Variants in UBAP2 observed in about 807,000 individuals in gnomAD.
UBAP2 encodes ubiquitin-associated protein 2.
A neutral mutation model predicts 139.6 loss-of-function variants in UBAP2; 75 were observed. The ratio of observed to expected loss-of-function variants is 0.54; its 90% CI spans 0.45 to 0.65. UBAP2 has a LOEUF of 0.65. UBAP2 is among the 30% of genes least tolerant of loss of function. The pLI is 0.00. For missense variants in UBAP2, 1,368 were observed against 1,369.6 expected (o/e 1.00, Z 0.02); for synonymous variants, 526 against 526.2 (o/e 1.00, Z 0.01).
chr9:34,008,644 A>G (rs1181394063), intron 2 of UBAP2, among the ~76,000 whole-genome samples: 1 of 116,136 alleles, frequency 8.6e-6, no homozygotes, highest in Non-Finnish European at 1.9e-5. Context: ...ATATACTAAC[A>G]CTTTACAGAA....
chr9:34,010,918 G>A (rs1448545444), intron 2 of UBAP2, among the ~76,000 whole-genome samples: 1 of 152,130 alleles, frequency 6.6e-6, no homozygotes, highest in African/African-American at 2.4e-5. Context: ...AAGTCAGGGA[G>A]TATGGCTGAA....
intron 1 of UBAP2, among the ~76,000 whole-genome samples, chr9:34,042,959 T>C (rs1827227782): frequency 6.6e-6 from 1 of 151,842 alleles, no homozygotes; most frequent in African/African-American, 2.4e-5. Flanking sequence ...TCCAAGCTAC[T>C]CAGGAGGCTG....
chr9:33,951,221 T>C (rs1481144379), intron 12 of UBAP2, among the ~76,000 whole-genome samples: 4 of 152,182 alleles, frequency 2.6e-5, no homozygotes, highest in African/African-American at 9.6e-5. Context: ...CCTCGCTATG[T>C]TGCCAGACTG....
intron 16 of UBAP2, among the ~76,000 whole-genome samples, chr9:33,940,316 G>T (rs1326443990): frequency 6.6e-6 from 1 of 152,102 alleles, no homozygotes; most frequent in Non-Finnish European, 1.5e-5. Flanking sequence ...CCTAGGAGGG[G>T]TTCTTGTGGG....
intron 19 of UBAP2, among the ~76,000 whole-genome samples, chr9:33,930,895 C>CCA: frequency 1.4e-5 from 1 of 73,234 alleles, no homozygotes; most frequent in South Asian, 4.2e-4. Context: ...GACTGCATCT[C>CCA]AAAAAAAAAA....
chr9:33,960,951 T>C, intron 9 of UBAP2, 73 bp from the exon 10 acceptor site: 1 of 1,455,738 alleles, frequency 6.9e-7, no homozygotes, highest in Non-Finnish European at 9.6e-7. Flanking sequence ...TGATTCCTTT[T>C]TGTGTACTAT....
At chr9:33,956,740 G>C (rs557116278) in intron 10 of UBAP2, among the ~76,000 whole-genome samples, 6 of 152,150 alleles carry the variant, frequency 3.9e-5, no homozygotes, top group African/African-American at 1.4e-4. Context: ...GGGCTCAACC[G>C]CAGACTCACT....
At chr9:34,005,432 C>T (rs1823114634) in intron 2 of UBAP2, among the ~76,000 whole-genome samples, 2 of 50,688 alleles carry the variant, frequency 3.9e-5, no homozygotes, top group Admixed American at 2.8e-4. Flanking sequence ...AAGACCCTGT[C>T]TCAAAAAAAA....
intron 2 of UBAP2, among the ~76,000 whole-genome samples, chr9:34,010,402 C>A (rs1823647130): frequency 1.6e-5 from 2 of 122,008 alleles, no homozygotes; most frequent in African/African-American, 3.2e-5. Context: ...CCAGCCTAGG[C>A]AACAAGGGCA....
chr9:34,038,100 A>T (rs1214979600), intron 1 of UBAP2, among the ~76,000 whole-genome samples: 1 of 143,398 alleles, frequency 7.0e-6, no homozygotes, highest in African/African-American at 2.6e-5. Flanking sequence ...GGGGAGTTCA[A>T]GGCTGCAATG....
chr9:33,958,924 A>G (rs917124567), intron 10 of UBAP2, among the ~76,000 whole-genome samples: 1 of 151,752 alleles, frequency 6.6e-6, no homozygotes, highest in Non-Finnish European at 1.5e-5. Flanking sequence ...CAAGTCGGAC[A>G]GATCACCTGA....
At chr9:33,947,658 T>TA (rs1029527526) in intron 13 of UBAP2, among the ~76,000 whole-genome samples, 8 of 151,124 alleles carry the variant, frequency 5.3e-5, no homozygotes, top group African/African-American at 1.2e-4. Context: ...CCTGTCACAT[T>TA]AAAAAAATAC....
At chr9:34,008,111 G>A (rs1823397136) in intron 2 of UBAP2, among the ~76,000 whole-genome samples, 1 of 152,034 alleles carries the variant, frequency 6.6e-6, no homozygotes, top group African/African-American at 2.4e-5. Flanking sequence ...CTCCAGCATG[G>A]CGACAGAGTG....
chr9:33,951,067 A>T (rs1793034326), intron 12 of UBAP2, among the ~76,000 whole-genome samples: 1 of 152,194 alleles, frequency 6.6e-6, no homozygotes, highest in Non-Finnish European at 1.5e-5. Context: ...TATTGCTGTC[A>T]ACCCAGGCTG....
chr9:34,034,892 A>C (rs936047085), intron 1 of UBAP2, among the ~76,000 whole-genome samples: 5 of 152,092 alleles, frequency 3.3e-5, no homozygotes, highest in South Asian at 2.1e-4. Flanking sequence ...ACAAACAAAA[A>C]AAAAACGAAT....
At chr9:34,018,436 A>G (rs1246223806) in intron 1 of UBAP2, among the ~76,000 whole-genome samples, 4 of 152,126 alleles carry the variant, frequency 2.6e-5, no homozygotes, top group African/African-American at 9.7e-5. Context: ...CATCATTAAA[A>G]GAATGGTGGT....
intron 4 of UBAP2, among the ~76,000 whole-genome samples, chr9:33,992,042 A>AG (rs932375542): frequency 6.6e-6 from 1 of 152,106 alleles, no homozygotes; most frequent in Non-Finnish European, 1.5e-5. Flanking sequence ...TCATGAGGTC[A>AG]GGAGTTCCAG....
chr9:34,014,560 C>T (rs374730198), intron 2 of UBAP2, among the ~76,000 whole-genome samples: 2 of 151,640 alleles, frequency 1.3e-5, no homozygotes, highest in Admixed American at 6.6e-5. Flanking sequence ...ACCCAGGAGG[C>T]GGAGGTTGCT....
chr9:34,022,377 C>T (rs1192152502), intron 1 of UBAP2, among the ~76,000 whole-genome samples: 2 of 151,012 alleles, frequency 1.3e-5, no homozygotes, highest in Non-Finnish European at 2.9e-5. Context: ...GAGGCTGAGG[C>T]AGGAAGATCA....
Sources: gnomAD v4.1 joint callset for allele counts (sites outside exome capture counted in the v4.1 genomes callset) on GRCh38, gnomAD v4.1.1 for gene constraint, MANE v1.5 for transcripts, NCBI Gene and HGNC (gene_info 2026-07-23, HGNC 2026-07-21) for gene names.